Variants in PBX1 observed in about 807,000 individuals in gnomAD.
PBX1 encodes the protein pre-B-cell leukemia transcription factor 1.
In PBX1, 6 loss-of-function variants were observed where a neutral mutation model predicts 53.4. The observed-to-expected ratio is 0.11, with a 90% confidence interval of 0.06 to 0.22. The LOEUF is 0.22. Among genes scored for constraint, PBX1 ranks in the 10% least tolerant of loss-of-function variants. The pLI is 1.00. For missense variants in PBX1, 251 were observed against 551.4 expected (o/e 0.46, Z 5.46); for synonymous variants, 204 against 212.3 (o/e 0.96, Z 0.34).
intron 2 of PBX1, among the ~76,000 whole-genome samples, chr1:164,775,576 C>T (rs1250218818): frequency 2.0e-5 from 3 of 152,002 alleles, no homozygotes; most frequent in Non-Finnish European, 4.4e-5. Flanking sequence ...TGGGTGCAGT[C>T]TACGAAGCCC....
chr1:164,664,371 C>T (rs532699949), intron 2 of PBX1, among the ~76,000 whole-genome samples: 11 of 152,082 alleles, frequency 7.2e-5, no homozygotes, highest in Non-Finnish European at 1.0e-4. Flanking sequence ...TGGTGTTGGC[C>T]GTACCAAAAC....
At position 164,848,438 on chromosome 1, in the gene PBX1, G is replaced by T. The variant is rs1192337232; in HGVS notation, c.*1762G>T. On this transcript the variant is annotated 3_prime_UTR_variant, in exon 9 of 9. Transcript: ENST00000420696. ...AGTTGATTTTGTTCATATCCAATCT[G>T]TAAATGCGAAGTCAGGGGAAGTAAT... 5.1e-5 allele frequency: 54 copies of T among 1,056,186 alleles called. No individual in the cohort carries two copies. The highest frequency in any genetic ancestry group is 6.0e-5 in the Non-Finnish European group (52 of 873,610). The allele number at this position is 1,056,186 out of a possible 1,614,324, so 65.4% of individuals were successfully genotyped here.
intron 2 of PBX1, among the ~76,000 whole-genome samples, chr1:164,880,980 G>A (rs182247089): frequency 9.2e-5 from 14 of 152,338 alleles, no homozygotes; most frequent in Admixed American, 3.9e-4. Context: ...GACTAGGAGC[G>A]GGACCTAGTG....
chr1:164,644,982 G>T (rs1034893563), intron 2 of PBX1, among the ~76,000 whole-genome samples: 1 of 152,172 alleles, frequency 6.6e-6, no homozygotes, highest in South Asian at 2.1e-4. Context: ...TTGGACTAGG[G>T]ACTGCTTTTT....
At chr1:164,865,167 A>G (rs1353743945) in intron 2 of PBX1, among the ~76,000 whole-genome samples, 4 of 152,234 alleles carry the variant, frequency 2.6e-5, no homozygotes, top group East Asian at 3.9e-4. Context: ...CCCATTCTGC[A>G]GGTGATGAAA....
chr1:164,876,797 C>T (rs1672523906), intron 2 of PBX1, among the ~76,000 whole-genome samples: 1 of 152,082 alleles, frequency 6.6e-6, no homozygotes. Context: ...GAAAGCCTGA[C>T]CCAGTGATTT....
At chr1:164,588,601 C>T (rs1283355343) in intron 2 of PBX1, among the ~76,000 whole-genome samples, 2 of 150,994 alleles carry the variant, frequency 1.3e-5, no homozygotes, top group Non-Finnish European at 2.9e-5. Flanking sequence ...TTTTTTTCCC[C>T]ACCTCTGGTT....
intron 2 of PBX1, chr1:164,641,215 T>C (rs1659121702): frequency 6.5e-6 from 1 of 153,154 alleles, no homozygotes; most frequent in Non-Finnish European, 1.5e-5. Context: ...GATTTTAGTG[T>C]TGTCCTTGGC....
chr1:164,869,352 C>T (rs1672293865), intron 2 of PBX1, among the ~76,000 whole-genome samples: 1 of 152,184 alleles, frequency 6.6e-6, no homozygotes, highest in South Asian at 2.1e-4. Context: ...GATAAGCTCC[C>T]AGGCCAGGGT....
intron 2 of PBX1, among the ~76,000 whole-genome samples, chr1:164,707,418 T>TGTGTGTGTGTGAGAGAGAGAGA (rs58617739): frequency 4.2e-5 from 5 of 118,214 alleles, no homozygotes; most frequent in African/African-American, 1.9e-4. Context: ...TGTGTGTGTG[T>TGTGTGTGTGTGAGAGAGAGAGA]GAGAGAGAGA....
intron 2 of PBX1, among the ~76,000 whole-genome samples, chr1:164,879,838 C>A (rs1460961119): frequency 6.6e-6 from 1 of 152,176 alleles, no homozygotes; most frequent in Non-Finnish European, 1.5e-5. Context: ...AAATTCTAAT[C>A]CGTATTCCAT....
intron 8 of PBX1, among the ~76,000 whole-genome samples, chr1:164,839,936 G>A (rs990557075): frequency 3.3e-5 from 5 of 151,900 alleles, no homozygotes; most frequent in Admixed American, 3.3e-4. Context: ...GCAGTCAAAG[G>A]ACTATGGAAA....
At chr1:164,654,120 C>T (rs577885223) in intron 2 of PBX1, among the ~76,000 whole-genome samples, 14 of 152,270 alleles carry the variant, frequency 9.2e-5, no homozygotes, top group African/African-American at 3.4e-4. Flanking sequence ...AAACACAGTG[C>T]ATTGGGGGTA....
At chr1:164,584,932 A>G (rs995564852) in intron 2 of PBX1, among the ~76,000 whole-genome samples, 9 of 151,962 alleles carry the variant, frequency 5.9e-5, no homozygotes, top group Non-Finnish European at 1.0e-4. Flanking sequence ...CTGTCTGTTC[A>G]TGTTGACCTT....
At chr1:164,664,741 G>T (rs1344904126) in intron 2 of PBX1, among the ~76,000 whole-genome samples, 1 of 152,214 alleles carries the variant, frequency 6.6e-6, no homozygotes, top group East Asian at 1.9e-4. Flanking sequence ...CGGAAGGCAA[G>T]GAGGAGCAAG....
At chr1:164,726,967 A>T (rs949954750) in intron 2 of PBX1, among the ~76,000 whole-genome samples, 4 of 152,154 alleles carry the variant, frequency 2.6e-5, no homozygotes, top group African/African-American at 9.7e-5. Context: ...GCAGGAAGAA[A>T]CCTTCGCTTT....
At chr1:164,877,567 G>A (rs1672545211) in intron 2 of PBX1, among the ~76,000 whole-genome samples, 1 of 152,058 alleles carries the variant, frequency 6.6e-6, no homozygotes, top group Admixed American at 6.5e-5. Flanking sequence ...GGAGGCTGAG[G>A]CAGGAGAATC....
At chr1:164,801,970 C>T (rs1669101722) in intron 4 of PBX1, among the ~76,000 whole-genome samples, 1 of 152,190 alleles carries the variant, frequency 6.6e-6, no homozygotes. Context: ...GAGAGCTAAG[C>T]AAACTTAGTA....
intron 8 of PBX1, chr1:164,828,314 T>C (rs534343858): frequency 1.3e-5 from 2 of 152,192 alleles, no homozygotes; most frequent in Non-Finnish European, 2.9e-5. Context: ...CTTTTGCCTG[T>C]GTGACTATGA....
Sources: gnomAD v4.1 joint callset for allele counts (sites outside exome capture counted in the v4.1 genomes callset) on GRCh38, gnomAD v4.1.1 for gene constraint, MANE v1.5 for transcripts, NCBI Gene and HGNC (gene_info 2026-07-23, HGNC 2026-07-21) for gene names.